Variants in NEGR1 observed in about 807,000 individuals in gnomAD.
The protein encoded by NEGR1 is neuronal growth regulator 1.
A neutral mutation model predicts 40.9 loss-of-function variants in NEGR1; 10 were observed. That is an observed-to-expected ratio of 0.24 (90% CI 0.15 to 0.42). The LOEUF is 0.42. Among genes scored for constraint, NEGR1 ranks in the 10% least tolerant of loss-of-function variants. The pLI, the probability that NEGR1 is intolerant of heterozygous loss-of-function variation, is 1.00. For missense variants in NEGR1, 352 were observed against 438.9 expected (o/e 0.80, Z 1.77); for synonymous variants, 185 against 166.8 (o/e 1.11, Z -0.84).
intron 1 of NEGR1, among the ~76,000 whole-genome samples, chr1:71,981,760 C>T (rs572693605): frequency 1.2e-3 from 175 of 152,136 alleles, no homozygotes; most frequent in African/African-American, 4.0e-3. Context: ...CTAATGGCCC[C>T]AGCCTTACCA....
intron 1 of NEGR1, among the ~76,000 whole-genome samples, chr1:72,081,498 C>G (rs1265119902): frequency 1.3e-5 from 2 of 152,062 alleles, no homozygotes; most frequent in Non-Finnish European, 2.9e-5. Context: ...TTTGCACTTG[C>G]CACATTTTAA....
At chr1:71,435,796 C>T (rs1319952181) in intron 6 of NEGR1, among the ~76,000 whole-genome samples, 1 of 152,160 alleles carries the variant, frequency 6.6e-6, no homozygotes, top group Non-Finnish European at 1.5e-5. Flanking sequence ...AATGCTTTGT[C>T]CCTGAAGTCA....
intron 3 of NEGR1, among the ~76,000 whole-genome samples, chr1:71,702,748 T>C (rs1244261619): frequency 6.6e-6 from 1 of 151,160 alleles, no homozygotes; most frequent in Non-Finnish European, 1.5e-5. Flanking sequence ...AAAAACACTT[T>C]CAGACATTGG....
At chr1:72,181,514 T>G (rs112778275) in intron 1 of NEGR1, among the ~76,000 whole-genome samples, 2,402 of 152,110 alleles carry the variant, frequency 0.016, 38 homozygotes, top group Middle Eastern at 0.065. Context: ...GTTCTAAAAA[T>G]AAACAAGCAA....
At chr1:71,504,842 G>A (rs369780778) in intron 6 of NEGR1, among the ~76,000 whole-genome samples, 30 of 152,202 alleles carry the variant, frequency 2.0e-4, no homozygotes, top group South Asian at 1.2e-3. Context: ...TTCCTGAAGC[G>A]GGAACTAACC....
At chr1:72,191,131 C>T (rs988744555) in intron 1 of NEGR1, among the ~76,000 whole-genome samples, 1 of 151,664 alleles carries the variant, frequency 6.6e-6, no homozygotes, top group Admixed American at 6.6e-5. Flanking sequence ...ATCCCTAAAA[C>T]TCCCATCATA....
At chr1:71,526,782 T>C (rs978669195) in intron 6 of NEGR1, among the ~76,000 whole-genome samples, 2 of 151,576 alleles carry the variant, frequency 1.3e-5, no homozygotes, top group East Asian at 1.9e-4. Flanking sequence ...CAGAGTTACA[T>C]AGGAAGCCTA....
chr1:71,605,248 T>C (rs1338586913), intron 5 of NEGR1, among the ~76,000 whole-genome samples: 1 of 152,148 alleles, frequency 6.6e-6, no homozygotes, highest in Non-Finnish European at 1.5e-5. Context: ...TAATGTAGTG[T>C]TTTTATATAT....
At chr1:71,596,840 A>G (rs1009966946) in intron 5 of NEGR1, among the ~76,000 whole-genome samples, 3 of 152,228 alleles carry the variant, frequency 2.0e-5, no homozygotes, top group Non-Finnish European at 4.4e-5. Flanking sequence ...ATTAAGAAGT[A>G]TCAGACAACA....
intron 4 of NEGR1, among the ~76,000 whole-genome samples, chr1:71,633,720 G>A (rs1415402256): frequency 6.6e-6 from 1 of 152,120 alleles, no homozygotes; most frequent in East Asian, 1.9e-4. Flanking sequence ...TACATGAGAG[G>A]AAATGGGCAT....
chr1:71,819,956 GGGCA>G (rs1337716504), intron 2 of NEGR1, among the ~76,000 whole-genome samples: 18 of 151,990 alleles, frequency 1.2e-4, no homozygotes, highest in Non-Finnish European at 2.6e-4. Context: ...ATAGCTCTCT[GGGCA>G]AGAACCAGAA....
intron 2 of NEGR1, among the ~76,000 whole-genome samples, chr1:71,928,921 T>G (rs1052555633): frequency 5.9e-5 from 9 of 152,076 alleles, no homozygotes; most frequent in Non-Finnish European, 8.8e-5. Context: ...CACTATAATG[T>G]AAATGGGGTA....
intron 2 of NEGR1, among the ~76,000 whole-genome samples, chr1:71,928,962 G>A (rs1001698377): frequency 6.6e-5 from 10 of 151,968 alleles, no homozygotes; most frequent in African/African-American, 2.2e-4. Flanking sequence ...AGAACAGGTC[G>A]AAATCCCCTG....
chr1:71,686,812 A>G (rs1653055977), intron 4 of NEGR1, among the ~76,000 whole-genome samples: 1 of 152,228 alleles, frequency 6.6e-6, no homozygotes, highest in African/African-American at 2.4e-5. Context: ...GTACAGAACA[A>G]TTCATGAGAG....
At chr1:71,607,027 T>C (rs544105584) in intron 5 of NEGR1, among the ~76,000 whole-genome samples, 18 of 152,324 alleles carry the variant, frequency 1.2e-4, no homozygotes, top group African/African-American at 4.3e-4. Flanking sequence ...TTCTCTTACA[T>C]AGAAGTAAAG....
intron 3 of NEGR1, 55 bp from the exon 4 acceptor site, chr1:71,698,194 T>C: frequency 6.6e-7 from 1 of 1,520,868 alleles, no homozygotes. Context: ...TTCATTCAAG[T>C]AAAACAACAA....
At chr1:72,036,266 T>G (rs1406144217) in intron 1 of NEGR1, among the ~76,000 whole-genome samples, 1 of 152,146 alleles carries the variant, frequency 6.6e-6, no homozygotes, top group East Asian at 1.9e-4. Context: ...GATGTGAATT[T>G]AGCTTTGAAA....
chr1:71,521,658 A>G (rs1366220735), intron 6 of NEGR1, among the ~76,000 whole-genome samples: 1 of 152,026 alleles, frequency 6.6e-6, no homozygotes, highest in Admixed American at 6.6e-5. Context: ...TCATTTTTCA[A>G]TTGTCAGTAG....
chr1:71,459,656 C>A (rs1646700072), intron 6 of NEGR1, among the ~76,000 whole-genome samples: 1 of 152,192 alleles, frequency 6.6e-6, no homozygotes, highest in Admixed American at 6.5e-5. Flanking sequence ...AGTTCAAATC[C>A]TGCCCATCCA....
Sources: gnomAD v4.1 joint callset for allele counts (sites outside exome capture counted in the v4.1 genomes callset) on GRCh38, gnomAD v4.1.1 for gene constraint, MANE v1.5 for transcripts, NCBI Gene and HGNC (gene_info 2026-07-23, HGNC 2026-07-21) for gene names.